The following SNRK variants were observed in gnomAD, a reference collection of about 807,000 sequenced individuals.
SNRK encodes SNF-related serine/threonine-protein kinase.
A neutral mutation model predicts 48.2 loss-of-function variants in SNRK; 3 were observed. That is an observed-to-expected ratio of 0.06 (90% CI 0.03 to 0.16). SNRK has a LOEUF of 0.16. SNRK is among the 10% of genes least tolerant of loss of function. SNRK has a pLI of 1.00. For missense variants in SNRK, 627 were observed against 976.0 expected (o/e 0.64, Z 4.76); for synonymous variants, 376 against 366.1 (o/e 1.03, Z -0.31).
chr3:43,313,544 G>A (rs1044052433), intron 3 of SNRK, among the ~76,000 whole-genome samples: 4 of 152,158 alleles, frequency 2.6e-5, no homozygotes, highest in Admixed American at 6.5e-5. Context: ...ATTAGAGATC[G>A]TGGTGGGTGG....
intron 3 of SNRK, among the ~76,000 whole-genome samples, chr3:43,322,074 CAT>C (rs2091058037): frequency 6.6e-6 from 1 of 152,236 alleles, no homozygotes; most frequent in African/African-American, 2.4e-5. Context: ...GGCTTTTTGG[CAT>C]AGAGACTGAT....
chr3:43,333,541 A>G (rs533512337), intron 4 of SNRK, among the ~76,000 whole-genome samples: 48 of 152,182 alleles, frequency 3.2e-4, no homozygotes, highest in African/African-American at 1.0e-3. Context: ...ATAGGAAACT[A>G]TGAATATTGA....
chr3:43,292,469 ATTAG>A (rs1189588978), intron 1 of SNRK, among the ~76,000 whole-genome samples: 1 of 152,334 alleles, frequency 6.6e-6, no homozygotes, highest in East Asian at 1.9e-4. Context: ...TATGTGGTGA[ATTAG>A]TTAGTATGGC....
intron 3 of SNRK, among the ~76,000 whole-genome samples, chr3:43,321,394 A>G (rs1342838209): frequency 2.0e-5 from 3 of 152,124 alleles, no homozygotes; most frequent in Admixed American, 6.5e-5. Flanking sequence ...CCTATTGATC[A>G]TTTACCAGTT....
intron 1 of SNRK, among the ~76,000 whole-genome samples, chr3:43,293,581 A>G (rs2125612889): frequency 6.6e-6 from 1 of 152,266 alleles, no homozygotes; most frequent in African/African-American, 2.4e-5. Flanking sequence ...TTAAGTTTTT[A>G]AAATATATAC....
Position 43,323,167 on chromosome 3 carries a change from C to T in SNRK, c.590-9002C>T, listed in dbSNP as rs1028239262. 6.6e-5 allele frequency among the ~76,000 whole-genome samples: 10 copies of T among 151,956 alleles called. 1 individual carries two copies. The highest frequency in any genetic ancestry group is 1.7e-4 in the African/African-American group (7 of 41,376). ...AAAATGAACCTTGATCAGTACCTCA[C>T]GCCATGTGTAAAAGCTCGATCTGTG... On this transcript the variant is annotated intron_variant, in intron 3 of 6. Coordinates refer to ENST00000296088, the MANE Select transcript of SNRK (RefSeq NM_017719.5).
chr3:43,314,527 T>A (rs1057266236), intron 3 of SNRK, among the ~76,000 whole-genome samples: 1 of 152,248 alleles, frequency 6.6e-6, no homozygotes, highest in Non-Finnish European at 1.5e-5. Flanking sequence ...TTTCTTTCTG[T>A]CTACCCTAGT....
rs369827087 is a variant in SNRK, at chr3:43,303,600, C to G, written c.397C>G (p.Leu133Val). The change falls in exon 3 of 7, where the codon CTC becomes GTC. Residue 133 changes from leucine (L) to valine (V), a missense_variant. Coordinates refer to ENST00000296088, the MANE Select transcript of SNRK (RefSeq NM_017719.5). The surrounding 1 kb of genome is among the most constrained non-coding windows in gnomAD (Gnocchi z 6.2). ...TCATGCTATATCTTATTGCCATAAA[C>G]TCCATGTGGTTCACAGAGACTTAAA... is the stretch of plus-strand genomic sequence containing the variant. ...IVHAISYCHKLHVVHRDLKPE... is the reference protein window; with the variant it reads ...IVHAISYCHKVHVVHRDLKPE... 6.2e-7 allele frequency: 1 copy of G among 1,614,010 alleles called. No individual in the cohort carries two copies. The highest frequency in any genetic ancestry group is 1.3e-5 in the African/African-American group (1 of 74,912).
chr3:43,296,429 T>TAC (rs2090855658), intron 1 of SNRK, among the ~76,000 whole-genome samples: 1 of 146,292 alleles, frequency 6.8e-6, no homozygotes, highest in African/African-American at 2.5e-5. Flanking sequence ...TATATATATA[T>TAC]ATATGTATAT....
rs2091191707 is a variant in SNRK at position 43,336,705 on chromosome 3, A to AT, written c.732-3577dup. On this transcript the variant is annotated intron_variant, in intron 4 of 6. Transcript: ENST00000296088. ...GAAGTTATAGTCTGTTATTTTAGTG[A>AT]TTTTTCTACCTGTTTTAACACAGAT... Among the ~76,000 whole-genome samples, 3 of 151,780 alleles carry AT rather than the reference A, an allele frequency of 2.0e-5. No homozygotes were observed. The South Asian group carries it at 6.3e-4, about 32-fold the overall frequency.
rs74474090 is a variant in SNRK at position 43,310,058 on chromosome 3, A to G, written c.589+6266A>G. ...CAAAAAAATTTGTGTGTCTCGCTGTATTGCAACATTCGCTTTATTTCAGTG... is the reference window on the plus strand; with the variant it reads ...CAAAAAAATTTGTGTGTCTCGCTGTGTTGCAACATTCGCTTTATTTCAGTG... On this transcript the variant is annotated intron_variant, in intron 3 of 6. Coordinates refer to ENST00000296088, the MANE Select transcript of SNRK (RefSeq NM_017719.5). Among the ~76,000 whole-genome samples the G allele has an allele frequency of 3.3e-5, 5 of 152,266 alleles. No individual in the cohort carries two copies. In the East Asian group the frequency reaches 9.6e-4, roughly 29 times the overall value.
At chr3:43,341,669 C>G (rs889142926) in intron 5 of SNRK, among the ~76,000 whole-genome samples, 1 of 152,132 alleles carries the variant, frequency 6.6e-6, no homozygotes, top group Non-Finnish European at 1.5e-5. Context: ...AAAGGGGCTC[C>G]CATCAGGAGG....
chr3:43,337,549 A>G (rs1208073276), intron 4 of SNRK, among the ~76,000 whole-genome samples: 1 of 151,964 alleles, frequency 6.6e-6, no homozygotes, highest in Non-Finnish European at 1.5e-5. Context: ...GGTGCAAGCC[A>G]CCACACCTGG....
At position 43,303,226 on chromosome 3, in the gene SNRK, A is replaced by G. The variant is rs1559460498; in HGVS notation, c.23A>G (p.Tyr8Cys). 6.2e-7 allele frequency: 1 copy of G among 1,613,786 alleles called. No homozygotes were observed. Among genetic ancestry groups the G allele is most frequent in the Non-Finnish European group, 8.5e-7 (1 of 1,179,684 alleles). MAGFKRG[Y>C]DGKIAGLYDL... is the part of the protein sequence containing the mutation. The stretch of plus-strand genomic sequence containing the variant: ...AGCATGGCAGGATTTAAGCGAGGGT[A>G]TGATGGAAAGATTGCTGGATTATAT... The change falls in exon 3 of 7, where the codon TAT (tyrosine) becomes TGT (cysteine). Residue 8 changes from tyrosine to cysteine, a missense_variant. This residue lies in a region of SNRK where 147 missense variants were observed against 356.8 expected (regional missense o/e 0.41). Coordinates refer to ENST00000296088, the MANE Select transcript of SNRK (RefSeq NM_017719.5). This position sits in a 1 kb window ranked among gnomAD's most constrained non-coding sequence, Gnocchi z 6.2.
At chr3:43,299,647 A>AT (rs1394666013) in intron 1 of SNRK, 107 bp from the exon 2 acceptor site, 1 of 152,654 alleles carries the variant, frequency 6.6e-6, no homozygotes, top group Non-Finnish European at 1.5e-5. Context: ...AAATTTTACT[A>AT]TTTTTATACA....
chr3:43,341,190 G>A (rs1488611069), intron 5 of SNRK, among the ~76,000 whole-genome samples: 4 of 150,386 alleles, frequency 2.7e-5, no homozygotes, highest in South Asian at 2.1e-4. Context: ...TCGCTCTGTC[G>A]CTCAGGCTGG....
intron 3 of SNRK, among the ~76,000 whole-genome samples, chr3:43,316,633 T>C (rs2125629224): frequency 6.6e-6 from 1 of 152,308 alleles, no homozygotes; most frequent in Non-Finnish European, 1.5e-5. Context: ...AATTTTTTTT[T>C]TCTTCCCTGC....
At position 43,347,297 on chromosome 3, in the gene SNRK, T is replaced by C; in HGVS notation, c.1080-42T>C. The C allele has an allele frequency of 6.6e-7, 1 of 1,513,468 alleles. No individual in the cohort carries two copies. The highest frequency in any genetic ancestry group is 8.8e-7 in the Non-Finnish European group (1 of 1,132,202). 93.8% of individuals were successfully genotyped at this position (1,513,468 alleles called of 1,614,324 possible). On this transcript the variant is annotated intron_variant, in intron 6 of 6. Coordinates refer to ENST00000296088, the MANE Select transcript of SNRK (RefSeq NM_017719.5). This position sits in a 1 kb window ranked among gnomAD's most constrained non-coding sequence, Gnocchi z 5.4. The stretch of plus-strand genomic sequence containing the variant: ...ATGTACTTTACTATCATCTGCATAA[T>C]GATTATATGGCTTTTTTCCCCCCAA...
chr3:43,288,742 A>T (rs369185654), intron 1 of SNRK, among the ~76,000 whole-genome samples: 5 of 152,356 alleles, frequency 3.3e-5, no homozygotes, highest in Admixed American at 1.3e-4. Flanking sequence ...TCCATAGGCC[A>T]GAATCTTAGG....
Sources: gnomAD v4.1 joint callset for allele counts (sites outside exome capture counted in the v4.1 genomes callset) on GRCh38, gnomAD v4.1.1 for gene constraint, gnomAD v4.1.1 regional missense constraint, Gnocchi (gnomAD v3.1) non-coding constraint, MANE v1.5 for transcripts, NCBI Gene and HGNC (gene_info 2026-07-23, HGNC 2026-07-21) for gene names.